Variants in CORO2B observed in about 807,000 individuals in gnomAD.
CORO2B encodes the protein coronin-2B.
In CORO2B, 26 loss-of-function variants were observed where a neutral mutation model predicts 58.8. The ratio of observed to expected loss-of-function variants is 0.44; its 90% confidence interval spans 0.32 to 0.61. The LOEUF (loss-of-function observed/expected upper bound fraction) is 0.61, where lower values mean the gene tolerates loss of function less well. CORO2B is among the 20% of genes least tolerant of loss of function. CORO2B has a pLI of 0.04. For missense variants in CORO2B, 460 were observed against 645.1 expected (o/e 0.71, Z 3.11); for synonymous variants, 242 against 253.8 (o/e 0.95, Z 0.44).
the CORO2B span, among the ~76,000 whole-genome samples, chr15:68,527,439 C>A: frequency 6.6e-6 from 1 of 152,054 alleles, no homozygotes; most frequent in Non-Finnish European, 1.5e-5. Context: ...GGAAGACTCT[C>A]TTTTCCTTTA....
the CORO2B span, among the ~76,000 whole-genome samples, chr15:68,533,034 T>TAAAA: frequency 6.6e-6 from 1 of 152,246 alleles, no homozygotes; most frequent in East Asian, 1.9e-4. Flanking sequence ...TTGCACTTTT[T>TAAAA]AGAACTCTTT....
At chr15:68,534,584 C>A in the CORO2B span, among the ~76,000 whole-genome samples, 1 of 152,156 alleles carries the variant, frequency 6.6e-6, no homozygotes, top group African/African-American at 2.4e-5. Context: ...CTATTTACTG[C>A]CAATTAAAGA....
At chr15:68,672,411 C>T (rs1050405998) in intron 2 of CORO2B, among the ~76,000 whole-genome samples, 5 of 151,710 alleles carry the variant, frequency 3.3e-5, no homozygotes, top group African/African-American at 1.2e-4. Context: ...GTTTGTATAA[C>T]AGCCGGGACA....
At chr15:68,599,292 T>C (rs1365303213) in intron 1 of CORO2B, among the ~76,000 whole-genome samples, 4 of 152,230 alleles carry the variant, frequency 2.6e-5, no homozygotes, top group Non-Finnish European at 5.9e-5. Flanking sequence ...TATCTGAACA[T>C]GTCTTGTCTC....
At chr15:68,657,679 A>G (rs529606215) in intron 2 of CORO2B, among the ~76,000 whole-genome samples, 2 of 152,340 alleles carry the variant, frequency 1.3e-5, no homozygotes, top group East Asian at 3.9e-4. Context: ...TTTTGAGTTA[A>G]TAGTAGCAGA....
chr15:68,722,444 G>T (rs961359163), intron 11 of CORO2B, among the ~76,000 whole-genome samples: 1 of 152,202 alleles, frequency 6.6e-6, no homozygotes, highest in Non-Finnish European at 1.5e-5. Context: ...TGATCTAAGT[G>T]TGAGGAAACA....
rs28820283 is a variant in CORO2B at position 68,647,857 on chromosome 15, T to G, written c.216+2497T>G. Reference sequence around the variant, plus strand: ...GCCCTGAGACCCTGTTTCTACAAATTAAAAAAAAAAAAAAGAAAAAAATTA... The same window carrying G: ...GCCCTGAGACCCTGTTTCTACAAATGAAAAAAAAAAAAAAGAAAAAAATTA... On this transcript the variant is annotated intron_variant, in intron 2 of 11. Coordinates refer to ENST00000261861, the MANE Select transcript of CORO2B (RefSeq NM_006091.5). Among the ~76,000 whole-genome samples, 893 of 136,514 alleles carry G rather than the reference T, an allele frequency of 6.5e-3. 9 individuals are homozygous for G. The highest frequency in any genetic ancestry group is 0.023 in the African/African-American group (841 of 36,774). 89.6% of individuals were successfully genotyped at this position (136,514 alleles called of 152,430 possible).
At chr15:68,523,541 A>C in the CORO2B span, among the ~76,000 whole-genome samples, 2 of 152,184 alleles carry the variant, frequency 1.3e-5, no homozygotes, top group African/African-American at 4.8e-5. Context: ...AAGGTTTCCC[A>C]ACTACCTTTT....
chr15:68,673,128 CAG>C (rs1183219673), intron 2 of CORO2B, among the ~76,000 whole-genome samples: 1 of 152,126 alleles, frequency 6.6e-6, no homozygotes, highest in Non-Finnish European at 1.5e-5. Context: ...GGTGGAAGTG[CAG>C]AGTCTGCCCT....
At chr15:68,662,024 A>AT (rs1566999582) in intron 2 of CORO2B, among the ~76,000 whole-genome samples, 2,281 of 151,782 alleles carry the variant, frequency 0.015, 66 homozygotes, top group African/African-American at 0.051. Context: ...AAATAAATAA[A>AT]TAAATTAATT....
In CORO2B at chr15:68,615,703, T is replaced by C. The variant is rs987687055; in HGVS notation, c.16-29457T>C. On this transcript the variant is annotated intron_variant, in intron 1 of 11. Transcript: ENST00000261861. ...TGAGAGGCCCTTGTGTCTTCCACCATGTGAGGATGCAGCTAGAAGGCCCAT... is the reference window on the plus strand; with the variant it reads ...TGAGAGGCCCTTGTGTCTTCCACCACGTGAGGATGCAGCTAGAAGGCCCAT... Among the ~76,000 whole-genome samples the C allele has an allele frequency of 2.7e-4, 41 of 152,174 alleles. 1 individual carries two copies. The highest frequency in any genetic ancestry group is 9.6e-4 in the African/African-American group (40 of 41,518).
At chr15:68,579,375 C>A in intron 1 of CORO2B, 98 bp downstream of exon 1, 1 of 1,128,452 alleles carries the variant, frequency 8.9e-7, no homozygotes, top group Non-Finnish European at 1.1e-6. Context: ...GGGGAGGGGG[C>A]GCCGGTGCCG....
chr15:68,688,009 C>T (rs1465613953), intron 2 of CORO2B, among the ~76,000 whole-genome samples: 2 of 152,220 alleles, frequency 1.3e-5, no homozygotes, highest in African/African-American at 4.8e-5. Context: ...ATAGCACCCT[C>T]CAGACCATCC....
upstream of CORO2B, chr15:68,578,976 T>G: frequency 5.2e-5 from 28 of 537,978 alleles, no homozygotes; most frequent in South Asian, 8.3e-5. The surrounding 1 kb of genome is among the most constrained non-coding windows in gnomAD (Gnocchi z 4.2). Context: ...GCCCGGGCCC[T>G]CTCCCTCTCT....
At chr15:68,674,218 T>A (rs1179677213) in intron 2 of CORO2B, among the ~76,000 whole-genome samples, 1 of 152,176 alleles carries the variant, frequency 6.6e-6, no homozygotes, top group Non-Finnish European at 1.5e-5. Flanking sequence ...CTTTCCTGCT[T>A]GGCCACGATG....
At chr15:68,612,066 C>T (rs777482064) in intron 1 of CORO2B, among the ~76,000 whole-genome samples, 10 of 152,186 alleles carry the variant, frequency 6.6e-5, no homozygotes, top group Admixed American at 2.6e-4. Context: ...CCACTGCACC[C>T]GGCCTCAACT....
the CORO2B span, among the ~76,000 whole-genome samples, chr15:68,562,803 C>T: frequency 6.6e-6 from 1 of 151,652 alleles, no homozygotes; most frequent in Non-Finnish European, 1.5e-5. Flanking sequence ...GGCGAAACCC[C>T]GTCTCTACTA....
At chr15:68,522,982 C>A in the CORO2B span, among the ~76,000 whole-genome samples, 1 of 152,080 alleles carries the variant, frequency 6.6e-6, no homozygotes, top group Non-Finnish European at 1.5e-5. Flanking sequence ...TCATTCTATT[C>A]TCTGGCATGC....
chr15:68,578,018 C>T (rs1899322548), upstream of CORO2B, among the ~76,000 whole-genome samples: 1 of 152,166 alleles, frequency 6.6e-6, no homozygotes. This position sits in a 1 kb window ranked among gnomAD's most constrained non-coding sequence, Gnocchi z 4.2. Flanking sequence ...TAACTCCTCC[C>T]CTCCACCCTC....
Sources: allele counts gnomAD v4.1 joint callset (sites outside exome capture counted in the v4.1 genomes callset), GRCh38; gene constraint gnomAD v4.1.1; non-coding constraint Gnocchi (gnomAD v3.1); transcripts MANE v1.5; gene names NCBI Gene and HGNC (gene_info 2026-07-23, HGNC 2026-07-21).